ANK1: variants seen among roughly 807,000 people sequenced by gnomAD.
ANK1 encodes ankyrin-1.
Under a neutral mutation model 210.4 loss-of-function variants are expected in ANK1, and 51 were observed. The ratio of observed to expected loss-of-function variants is 0.24; its 90% CI spans 0.19 to 0.31. ANK1 has a LOEUF of 0.31. Among genes scored for constraint, ANK1 ranks in the 10% least tolerant of loss-of-function variants. The pLI is 1.00. For synonymous variants in ANK1, 967 were observed against 1,025.9 expected (o/e 0.94, Z 1.10); for missense variants, 2,051 against 2,504.4 (o/e 0.82, Z 3.86).
intron 1 of ANK1, among the ~76,000 whole-genome samples, chr8:41,895,772 G>T (rs578178262): frequency 6.6e-6 from 1 of 150,514 alleles, no homozygotes; most frequent in Non-Finnish European, 1.5e-5. Flanking sequence ...TACCAGATCC[G>T]GAGGGTCAGG....
intron 37 of ANK1, among the ~76,000 whole-genome samples, chr8:41,677,788 C>T (rs1043490185): frequency 6.6e-6 from 1 of 151,930 alleles, no homozygotes; most frequent in African/African-American, 2.4e-5. Context: ...TGGAGTTTCA[C>T]CCTGTTGCCC....
At chr8:41,711,291 C>T (rs1438098193) in intron 16 of ANK1, among the ~76,000 whole-genome samples, 1 of 152,168 alleles carries the variant, frequency 6.6e-6, no homozygotes, top group Non-Finnish European at 1.5e-5. Context: ...ACCCTAAGCC[C>T]CACACAGATC....
At position 41,704,194 on chromosome 8, in the gene ANK1, G is replaced by A; in HGVS notation, c.2197-55C>T. 6.7e-7 allele frequency: 1 copy of A among 1,498,046 alleles called. No homozygotes were observed. The highest frequency in any genetic ancestry group is 9.3e-7 in the Non-Finnish European group (1 of 1,075,906). 92.8% of individuals were successfully genotyped at this position (1,498,046 alleles called of 1,614,324 possible). On this transcript the variant is annotated intron_variant, in intron 19 of 42. Coordinates refer to ENST00000289734, the MANE Select transcript of ANK1 (RefSeq NM_000037.4). The surrounding 1 kb of genome is among the most constrained non-coding windows in gnomAD (Gnocchi z 4.1). ...TTAGCCAGCCACTAGACAGAGACCT[G>A]CCTACACATGATAGTGCCTGCCCAT...
At chr8:41,868,458 G>A (rs1393719585) in intron 1 of ANK1, among the ~76,000 whole-genome samples, 4 of 152,220 alleles carry the variant, frequency 2.6e-5, no homozygotes, top group African/African-American at 7.2e-5. Context: ...TTATTCAGGC[G>A]TGGTTTGTCC....
chr8:41,656,423 C>G (rs1805738862), intron 42 of ANK1, among the ~76,000 whole-genome samples: 1 of 152,242 alleles, frequency 6.6e-6, no homozygotes, highest in African/African-American at 2.4e-5. Context: ...CTCTGAAAAG[C>G]AGATGCATCC....
At chr8:41,717,229 G>A (rs1827932455) in intron 12 of ANK1, among the ~76,000 whole-genome samples, 178 bp from the exon 13 acceptor site, 1 of 152,212 alleles carries the variant, frequency 6.6e-6, no homozygotes, top group South Asian at 2.1e-4. Context: ...GCATGTATGT[G>A]TGTATGTGTG....
intron 1 of ANK1, among the ~76,000 whole-genome samples, chr8:41,881,908 A>T (rs1303800348): frequency 6.6e-6 from 1 of 152,058 alleles, no homozygotes; most frequent in African/African-American, 2.4e-5. Context: ...GTCTCCTTTC[A>T]TGGAGAGAAG....
chr8:41,661,857 G>C lies in ANK1; in HGVS notation c.5544+19C>G. On this transcript the variant is annotated intron_variant, in intron 41 of 42. Transcript: ENST00000289734. ...ACCTCCAGCTCACTGGGATCCTCCA[G>C]GGGCCCCTCTACAGTCACCTCCTCG... is the stretch of plus-strand genomic sequence containing the variant. The C allele has an allele frequency of 6.2e-7, 1 of 1,614,104 alleles. No individual in the cohort carries two copies. Among genetic ancestry groups the C allele is most frequent in the Non-Finnish European group, 8.5e-7 (1 of 1,180,008 alleles).
chr8:41,778,208 C>T (rs1260701751), intron 1 of ANK1, among the ~76,000 whole-genome samples: 1 of 152,152 alleles, frequency 6.6e-6, no homozygotes, highest in Non-Finnish European at 1.5e-5. Context: ...AGACTGCAAA[C>T]TAACAGAGGT....
At chr8:41,671,629 C>G (rs1015342750) in intron 38 of ANK1, among the ~76,000 whole-genome samples, 4 of 151,314 alleles carry the variant, frequency 2.6e-5, no homozygotes, top group African/African-American at 9.7e-5. Flanking sequence ...TCCCGGCACC[C>G]CGATGTCCCT....
At chr8:41,808,672 T>A (rs552064049) in intron 1 of ANK1, among the ~76,000 whole-genome samples, 99 of 151,602 alleles carry the variant, frequency 6.5e-4, no homozygotes, top group Non-Finnish European at 7.4e-4. Context: ...TCTAAAAAAA[T>A]AATAATAATA....
chr8:41,703,685 C>T (rs1302815554), intron 20 of ANK1, among the ~76,000 whole-genome samples: 8 of 151,682 alleles, frequency 5.3e-5, no homozygotes. Context: ...GATTCAGGCA[C>T]TCACTATGTT....
chr8:41,728,432 G>T (rs1831264937), intron 3 of ANK1, among the ~76,000 whole-genome samples: 1 of 152,164 alleles, frequency 6.6e-6, no homozygotes, highest in African/African-American at 2.4e-5. Flanking sequence ...GGAGGTGGGG[G>T]CAATGAGAAA....
Position 41,694,159 on chromosome 8 carries a change from C to G in ANK1, c.3328-57G>C. 5 of 1,548,908 alleles carry G rather than the reference C, an allele frequency of 3.2e-6. No individual in the cohort carries two copies. Among genetic ancestry groups the G allele is most frequent in the Non-Finnish European group, 4.4e-6 (5 of 1,133,724 alleles). ...CCAAGCAGGAGAGGGGCTAATCAGACGGGAGGCAGCTCCATGCCTGGTGAG... is the reference window on the plus strand; with the variant it reads ...CCAAGCAGGAGAGGGGCTAATCAGAGGGGAGGCAGCTCCATGCCTGGTGAG... On this transcript the variant is annotated intron_variant, in intron 28 of 42. Transcript: ENST00000289734. This position sits in a 1 kb window ranked among gnomAD's most constrained non-coding sequence, Gnocchi z 5.7.
chr8:41,659,782 C>T (rs1231955931), intron 42 of ANK1, among the ~76,000 whole-genome samples: 5 of 151,498 alleles, frequency 3.3e-5, no homozygotes, highest in African/African-American at 7.3e-5. Context: ...CAGGCTGCTC[C>T]GTGTTTCTGA....
chr8:41,693,029 C>T, intron 30 of ANK1, 76 bp downstream of exon 30: 1 of 1,531,310 alleles, frequency 6.5e-7, no homozygotes, highest in South Asian at 1.1e-5. Context: ...GAGGGAGCCT[C>T]AGCCTCAGGC....
chr8:41,747,342 C>T (rs989650405), intron 2 of ANK1, among the ~76,000 whole-genome samples: 2 of 152,112 alleles, frequency 1.3e-5, no homozygotes, highest in African/African-American at 4.8e-5. Context: ...AAGGCCCAGA[C>T]CGAGTGTCAT....
chr8:41,785,523 T>C (rs1846159086), intron 1 of ANK1, among the ~76,000 whole-genome samples: 1 of 152,204 alleles, frequency 6.6e-6, no homozygotes. Flanking sequence ...TGTCCTTATC[T>C]GTAGCCTGTA....
chr8:41,702,066 C>T lies in ANK1; in HGVS notation c.2374G>A (p.Glu792Lys), dbSNP rs1822984846. The change falls in exon 21 of 43, where the codon GAA becomes AAA. Residue 792 changes from glutamate to lysine, a missense_variant. Coordinates refer to ENST00000289734, the MANE Select transcript of ANK1 (RefSeq NM_000037.4). ...GGCAGACATACCACGAAACTGGTTT[C>T]ATCCGTGACGACCTTGAGCACGTCG... ...VTDVLKVVTD[E>K]TSFVLVSDKH... The T allele has an allele frequency of 5.0e-6, 8 of 1,614,066 alleles. No individual in the cohort carries two copies. The East Asian group carries it at 1.8e-4, about 36-fold the overall frequency.
Sources: gnomAD v4.1 joint callset for allele counts (sites outside exome capture counted in the v4.1 genomes callset) on GRCh38, gnomAD v4.1.1 for gene constraint, Gnocchi (gnomAD v3.1) non-coding constraint, MANE v1.5 for transcripts, NCBI Gene and HGNC (gene_info 2026-07-23, HGNC 2026-07-21) for gene names.